AGBL1: variants seen among roughly 807,000 people sequenced by gnomAD.
The protein encoded by AGBL1 is AGBL carboxypeptidase 1.
In AGBL1, 130 loss-of-function variants were observed where a neutral mutation model predicts 118.9. The observed-to-expected ratio is 1.09, with a 90% CI of 0.95 to 1.26. AGBL1 has a LOEUF of 1.26. Among genes scored for constraint, AGBL1 ranks in the 50% most tolerant of loss-of-function variants. The pLI is 0.00. For missense variants in AGBL1, 1,584 were observed against 1,298.1 expected (o/e 1.22, Z -3.38); for synonymous variants, 555 against 478.9 (o/e 1.16, Z -2.08).
At chr15:86,432,449 C>A (rs2142040670) in intron 18 of AGBL1, among the ~76,000 whole-genome samples, 1 of 152,256 alleles carries the variant, frequency 6.6e-6, no homozygotes, top group African/African-American at 2.4e-5. Context: ...TAATGTTTTT[C>A]TCATGATTAG....
intron 21 of AGBL1, among the ~76,000 whole-genome samples, chr15:86,574,154 C>A (rs146197231): frequency 1.0e-3 from 153 of 152,314 alleles, no homozygotes; most frequent in African/African-American, 3.5e-3. Context: ...GCTATGTGGG[C>A]TATTGCTGGA....
intron 22 of AGBL1, among the ~76,000 whole-genome samples, chr15:86,896,252 T>TCTGCTTTTG (rs1411731373): frequency 6.6e-6 from 1 of 152,164 alleles, no homozygotes; most frequent in Non-Finnish European, 1.5e-5. Context: ...TTCGTGAGTG[T>TCTGCTTTTG]CTGCTTTTGC....
chr15:86,869,287 C>T (rs987628725), intron 22 of AGBL1, among the ~76,000 whole-genome samples: 4 of 152,102 alleles, frequency 2.6e-5, no homozygotes, highest in African/African-American at 7.2e-5. Flanking sequence ...CAGTGGTCCA[C>T]GTGATGCCCA....
chr15:86,444,300 C>G (rs1489582928), intron 18 of AGBL1, among the ~76,000 whole-genome samples: 1 of 152,172 alleles, frequency 6.6e-6, no homozygotes, highest in Non-Finnish European at 1.5e-5. Flanking sequence ...CGCTTTTCTT[C>G]AAAGAATATC....
chr15:86,309,444 C>A (rs12910899), intron 17 of AGBL1, among the ~76,000 whole-genome samples: 1 of 152,032 alleles, frequency 6.6e-6, no homozygotes, highest in Non-Finnish European at 1.5e-5. Flanking sequence ...AGTACTATAT[C>A]GAATAGAAGT....
intron 23 of AGBL1, among the ~76,000 whole-genome samples, chr15:86,921,569 A>G (rs779077409): frequency 4.6e-5 from 7 of 152,096 alleles, no homozygotes; most frequent in African/African-American, 7.2e-5. Flanking sequence ...ATTTCCCTGG[A>G]AGAAACTCAA....
chr15:86,466,065 C>T (rs535397718), intron 18 of AGBL1, among the ~76,000 whole-genome samples: 185 of 152,292 alleles, frequency 1.2e-3, no homozygotes, highest in Non-Finnish European at 2.1e-3. Context: ...TATTCTTTCT[C>T]TTTATTTCTC....
intron 5 of AGBL1, among the ~76,000 whole-genome samples, chr15:86,166,638 G>A (rs1005696445): frequency 1.3e-5 from 2 of 152,220 alleles, no homozygotes; most frequent in African/African-American, 2.4e-5. Context: ...TCCTTCAGGA[G>A]GAGGAGCTCA....
intron 1 of AGBL1, among the ~76,000 whole-genome samples, chr15:86,103,400 T>C (rs989570113): frequency 1.1e-4 from 17 of 152,180 alleles, no homozygotes; most frequent in African/African-American, 3.9e-4. Context: ...TTTTTGGAGG[T>C]GTCGTGTTTC....
At chr15:86,156,666 C>T (rs920457693) in intron 4 of AGBL1, among the ~76,000 whole-genome samples, 1 of 152,060 alleles carries the variant, frequency 6.6e-6, no homozygotes, top group Non-Finnish European at 1.5e-5. Flanking sequence ...ATGCTTTTCC[C>T]TTAGTCTTTT....
At chr15:86,772,223 C>G (rs1387951262) in intron 22 of AGBL1, among the ~76,000 whole-genome samples, 1 of 151,980 alleles carries the variant, frequency 6.6e-6, no homozygotes, top group African/African-American at 2.4e-5. Context: ...GTTTGGGAAC[C>G]TGACCCAGAC....
Position 86,361,159 on chromosome 15 carries a change from T to G in AGBL1, c.2375-36207T>G, listed in dbSNP as rs185962082. On this transcript the variant is annotated intron_variant, in intron 17 of 22. Transcript: ENST00000614907. The stretch of plus-strand genomic sequence containing the variant: ...TCCAATAAATTTTGTTATGTAGCAT[T>G]TTTGTTTTTGTCCATTTCAAAATGT... Among the ~76,000 whole-genome samples, 404 of 152,152 alleles carry G rather than the reference T, an allele frequency of 2.7e-3. 2 individuals are homozygous for G. Among genetic ancestry groups the G allele is most frequent in the African/African-American group, 9.3e-3 (386 of 41,564 alleles).
chr15:86,145,896 G>A (rs991451382), intron 3 of AGBL1, among the ~76,000 whole-genome samples: 1 of 152,218 alleles, frequency 6.6e-6, no homozygotes, highest in African/African-American at 2.4e-5. Context: ...AAGCAAGAGT[G>A]ATGCTACTTT....
At chr15:86,628,744 A>G (rs982725317) in intron 21 of AGBL1, among the ~76,000 whole-genome samples, 3 of 152,200 alleles carry the variant, frequency 2.0e-5, no homozygotes, top group African/African-American at 7.2e-5. Context: ...TGCAGTGAGC[A>G]GAGATTGCAC....
At position 86,823,701 on chromosome 15, in the gene AGBL1, G is replaced by C. The variant is rs183974716; in HGVS notation, c.3159-83386G>C. 6.2e-4 allele frequency among the ~76,000 whole-genome samples: 95 copies of C among 152,258 alleles called. No individual in the cohort carries two copies. In the East Asian group the frequency reaches 0.015, roughly 24 times the overall value. ...GATAGCGAGAAGCAAATATAAGACT[G>C]GACAGGGTAGAATTTATTAACATAG... On this transcript the variant is annotated intron_variant, in intron 22 of 22. Coordinates refer to ENST00000614907, the MANE Select transcript of AGBL1 (RefSeq NM_001386094.1).
At chr15:86,429,459 A>G (rs1447494510) in intron 18 of AGBL1, among the ~76,000 whole-genome samples, 2 of 152,252 alleles carry the variant, frequency 1.3e-5, no homozygotes, top group Non-Finnish European at 1.5e-5. Context: ...CATTGAGCAT[A>G]ATAGACTGTC....
At chr15:86,977,939 C>T (rs1447423247) in intron 23 of AGBL1, among the ~76,000 whole-genome samples, 1 of 152,036 alleles carries the variant, frequency 6.6e-6, no homozygotes, top group Admixed American at 6.6e-5. Context: ...TCCTGAATTA[C>T]TAAGGATATT....
chr15:86,577,489 G>A (rs929125812), intron 21 of AGBL1, among the ~76,000 whole-genome samples: 15 of 152,170 alleles, frequency 9.9e-5, no homozygotes, highest in African/African-American at 3.4e-4. Context: ...TATTTTCTGA[G>A]GTGAAATTCA....
intron 18 of AGBL1, among the ~76,000 whole-genome samples, chr15:86,437,974 C>T (rs764502956): frequency 2.0e-5 from 3 of 152,080 alleles, no homozygotes; most frequent in South Asian, 2.1e-4. Context: ...GGTGCAATCT[C>T]GGCTTACTGC....
Sources: gnomAD v4.1 joint callset for allele counts (sites outside exome capture counted in the v4.1 genomes callset) on GRCh38, gnomAD v4.1.1 for gene constraint, MANE v1.5 for transcripts, NCBI Gene and HGNC (gene_info 2026-07-23, HGNC 2026-07-21) for gene names.